The following DCLK2 variants were observed in gnomAD, a reference collection of about 807,000 sequenced individuals.
DCLK2 encodes the protein doublecortin like kinase 2, also known as serine/threonine-protein kinase DCLK2.
Under a neutral mutation model 78.4 loss-of-function variants are expected in DCLK2, and 31 were observed. The observed-to-expected ratio is 0.40, with a 90% CI of 0.30 to 0.53. The LOEUF is 0.53. Among genes scored for constraint, DCLK2 ranks in the 20% least tolerant of loss-of-function variants. The pLI is 0.61. For missense variants in DCLK2, 872 were observed against 973.7 expected (o/e 0.90, Z 1.39); for synonymous variants, 407 against 374.9 (o/e 1.09, Z -0.99).
At chr4:150,204,201 G>A (rs545330560) in intron 5 of DCLK2, among the ~76,000 whole-genome samples, 18 of 152,088 alleles carry the variant, frequency 1.2e-4, no homozygotes, top group South Asian at 4.1e-4. Flanking sequence ...AAAATGATTC[G>A]CAGCGGTGAA....
At chr4:150,139,808 A>G (rs1474852810) in intron 2 of DCLK2, among the ~76,000 whole-genome samples, 5 of 152,206 alleles carry the variant, frequency 3.3e-5, no homozygotes, top group Non-Finnish European at 7.3e-5. Context: ...ATTTTGAGTC[A>G]AGTGTACATT....
intron 15 of DCLK2, among the ~76,000 whole-genome samples, chr4:150,254,876 CTG>C (rs1160296907): frequency 2.0e-5 from 3 of 152,148 alleles, no homozygotes; most frequent in African/African-American, 7.2e-5. Flanking sequence ...GATGGAGTCT[CTG>C]TGTTGCCCAG....
At chr4:150,157,512 TG>T (rs879365005) in intron 2 of DCLK2, among the ~76,000 whole-genome samples, 33,593 of 147,786 alleles carry the variant, frequency 0.23, 4,970 homozygotes, top group East Asian at 0.29. Context: ...TTTGTTTGTT[TG>T]TTTGTTTGTT....
chr4:150,137,979 A>C (rs1328104909), intron 2 of DCLK2, among the ~76,000 whole-genome samples: 2 of 152,192 alleles, frequency 1.3e-5, no homozygotes, highest in African/African-American at 4.8e-5. Context: ...AAGCACTGGC[A>C]CATTGGATTT....
At chr4:150,091,214 C>T (rs1478817294) in intron 1 of DCLK2, among the ~76,000 whole-genome samples, 5 of 152,194 alleles carry the variant, frequency 3.3e-5, no homozygotes, top group African/African-American at 7.2e-5. Flanking sequence ...CTCACACAAA[C>T]GCTGCGCTTG....
Position 150,083,483 on chromosome 4 carries a change from A to G in DCLK2, c.421+4035A>G, listed in dbSNP as rs1348905712. 2.6e-5 allele frequency among the ~76,000 whole-genome samples: 4 copies of G among 152,236 alleles called. No individual in the cohort carries two copies. In the East Asian group the frequency reaches 7.7e-4, roughly 29 times the overall value. ...AGTTTGAGGTCCTCCTACCAAACCT[A>G]TCTACCGCATCTGTTTGGTTAGGTC... On this transcript the variant is annotated intron_variant, in intron 1 of 15. Transcript: ENST00000296550.
rs1426288974 is a variant in DCLK2, at chr4:150,257,092, G to C, written c.*845G>C. 6.6e-6 allele frequency: 1 copy of C among 152,348 alleles called. No homozygotes were observed. The highest frequency in any genetic ancestry group is 1.5e-5 in the Non-Finnish European group (1 of 68,068). The allele number at this position is 152,348 out of a possible 1,614,324, so 9.4% of individuals were successfully genotyped here. A position where few individuals can be genotyped will look rare whatever the true frequency, so the allele number is the denominator to read the frequency against. On this transcript the variant is annotated 3_prime_UTR_variant, in exon 16 of 16. Transcript: ENST00000296550. Reference sequence around the variant, plus strand: ...AGCGGCTGCTTCCCTGCAAGCCAGCGACTTGCCGAGCAGAATGAGCTCTGC... The same window carrying C: ...AGCGGCTGCTTCCCTGCAAGCCAGCCACTTGCCGAGCAGAATGAGCTCTGC...
At chr4:150,164,016 C>T (rs900724755) in intron 2 of DCLK2, among the ~76,000 whole-genome samples, 2 of 152,208 alleles carry the variant, frequency 1.3e-5, no homozygotes, top group East Asian at 3.8e-4. Flanking sequence ...GCCCATCCTC[C>T]TGCCTTGGCC....
chr4:150,232,796 G>A lies in DCLK2; in HGVS notation c.1534G>A (p.Val512Met), dbSNP rs200547939. Residue 512 changes from valine (V) to methionine (M), a missense_variant, in exon 10 of 16, where the codon GTG becomes ATG. Val to Met is a conservative substitution (Grantham distance 21). Coordinates refer to ENST00000296550, the MANE Select transcript of DCLK2 (RefSeq NM_001040260.4). ...CAGGTATCTCCATGGCCTCAGCATC[G>A]TGCACAGAGACATCAAACCAGAGAA... Reference protein sequence around the residue: ...ALRYLHGLSIVHRDIKPENLL... With the variant: ...ALRYLHGLSIMHRDIKPENLL... 1 of 1,613,838 alleles carries A rather than the reference G, an allele frequency of 6.2e-7. No individual in the cohort carries two copies. The highest frequency in any genetic ancestry group is 2.2e-5 in the East Asian group (1 of 44,870).
intron 2 of DCLK2, among the ~76,000 whole-genome samples, chr4:150,174,794 C>T (rs1221874330): frequency 6.6e-6 from 1 of 150,652 alleles, no homozygotes; most frequent in Non-Finnish European, 1.5e-5. Flanking sequence ...GTCAGGAGTT[C>T]AAGACCAGCC....
intron 10 of DCLK2, among the ~76,000 whole-genome samples, chr4:150,234,455 C>T (rs1430603763): frequency 1.3e-5 from 2 of 152,234 alleles, no homozygotes; most frequent in Non-Finnish European, 2.9e-5. Flanking sequence ...GACACTCACT[C>T]AGCTAGCAGC....
chr4:150,099,668 C>T lies in DCLK2; in HGVS notation c.422-2810C>T, dbSNP rs558567785. On this transcript the variant is annotated intron_variant, in intron 1 of 15. Coordinates refer to ENST00000296550, the MANE Select transcript of DCLK2 (RefSeq NM_001040260.4). Reference sequence around the variant, plus strand: ...AAGATTACTAAAGTGGGTTTCATACCGTGTCAGCACCTAACATGAGAGCTT... The same window carrying T: ...AAGATTACTAAAGTGGGTTTCATACTGTGTCAGCACCTAACATGAGAGCTT... Among the ~76,000 whole-genome samples, 5 of 152,250 alleles carry T rather than the reference C, an allele frequency of 3.3e-5. No homozygotes were observed. In the East Asian group the frequency reaches 7.7e-4, roughly 24 times the overall value.
intron 8 of DCLK2, 41 bp downstream of exon 8, chr4:150,224,599 T>C: frequency 6.5e-7 from 1 of 1,546,872 alleles, no homozygotes; most frequent in Non-Finnish European, 8.8e-7. Flanking sequence ...GAAACTAGAG[T>C]AACTTGGTGA....
intron 15 of DCLK2, among the ~76,000 whole-genome samples, chr4:150,253,097 G>GTCCTCCTCATCCTCCTCA (rs56775129): frequency 4.8e-5 from 7 of 146,660 alleles, no homozygotes; most frequent in African/African-American, 1.6e-4. Flanking sequence ...CATCCTCCTC[G>GTCCTCCTCATCCTCCTCA]TCCTCCTCAT....
intron 2 of DCLK2, among the ~76,000 whole-genome samples, chr4:150,177,512 T>G (rs1377221907): frequency 6.6e-6 from 1 of 152,220 alleles, no homozygotes. Flanking sequence ...ACACATACAC[T>G]AAATTGAACA....
chr4:150,181,162 T>A lies in DCLK2; in HGVS notation c.757-11976T>A, dbSNP rs548642864. Among the ~76,000 whole-genome samples, 45 of 152,288 alleles carry A rather than the reference T, an allele frequency of 3.0e-4. No individual in the cohort carries two copies. The South Asian group carries it at 8.7e-3, about 30-fold the overall frequency. On this transcript the variant is annotated intron_variant, in intron 2 of 15. Transcript: ENST00000296550. ...TGTGAGGGCTTGTCATGTAAAAAAA[T>A]TTTTAAAAATTTAATAAATTTGTTA...
At chr4:150,174,132 C>T (rs968908452) in intron 2 of DCLK2, among the ~76,000 whole-genome samples, 4 of 152,184 alleles carry the variant, frequency 2.6e-5, no homozygotes, top group Non-Finnish European at 5.9e-5. Context: ...CTGCTTCCCT[C>T]ATGGACTCAC....
chr4:150,204,125 G>A (rs1739664918), intron 5 of DCLK2, among the ~76,000 whole-genome samples: 1 of 152,280 alleles, frequency 6.6e-6, no homozygotes, highest in African/African-American at 2.4e-5. Flanking sequence ...GGGTTGTGGT[G>A]TTCTTATTTT....
intron 3 of DCLK2, 49 bp from the exon 4 acceptor site, chr4:150,197,953 G>T: frequency 1.4e-6 from 2 of 1,461,850 alleles, no homozygotes; most frequent in Non-Finnish European, 1.9e-6. Context: ...CTCTGCTTTT[G>T]GTCGTTATTA....
Sources: allele counts gnomAD v4.1 joint callset (sites outside exome capture counted in the v4.1 genomes callset), GRCh38; gene constraint gnomAD v4.1.1; transcripts MANE v1.5; gene names NCBI Gene and HGNC (gene_info 2026-07-23, HGNC 2026-07-21).